AUTS2: variants seen among roughly 807,000 people sequenced by gnomAD.
AUTS2 encodes the protein autism susceptibility gene 2 protein.
Under a neutral mutation model 112.4 loss-of-function variants are expected in AUTS2, and 17 were observed. That is an observed-to-expected ratio of 0.15 (90% CI 0.10 to 0.23). The LOEUF (loss-of-function observed/expected upper bound fraction) is 0.23. Ranked by LOEUF, AUTS2 falls within the 10% of genes least tolerant of loss-of-function variation. The pLI is 1.00. For synonymous variants in AUTS2, 751 were observed against 702.7 expected, an observed-to-expected ratio of 1.07 and a Z score of -1.09; for missense variants, 1,510 against 1,701.6, an observed-to-expected ratio of 0.89 and a Z score of 1.98.
chr7:70,043,872 G>A (rs763124807), intron 2 of AUTS2, among the ~76,000 whole-genome samples: 1 of 151,872 alleles, frequency 6.6e-6, no homozygotes, highest in East Asian at 1.9e-4. Context: ...GCCTCCCAAA[G>A]TGCTGGGATT....
intron 4 of AUTS2, among the ~76,000 whole-genome samples, chr7:70,335,467 C>T (rs1292719034): frequency 6.6e-6 from 1 of 152,202 alleles, no homozygotes; most frequent in Non-Finnish European, 1.5e-5. Flanking sequence ...CATGGCCATA[C>T]TTATCAGGGA....
At chr7:70,183,838 T>TC (rs905853769) in intron 4 of AUTS2, among the ~76,000 whole-genome samples, 2 of 151,490 alleles carry the variant, frequency 1.3e-5, no homozygotes, top group Non-Finnish European at 2.9e-5. Flanking sequence ...TTTTTCTTTT[T>TC]TTTTTTTTTT....
chr7:70,212,920 G>T (rs1462786646), intron 4 of AUTS2, among the ~76,000 whole-genome samples: 2 of 152,066 alleles, frequency 1.3e-5, no homozygotes, highest in African/African-American at 4.8e-5. Flanking sequence ...GATACATACA[G>T]TCAGATAGAA....
At chr7:69,828,028 A>G (rs988717746) in intron 1 of AUTS2, among the ~76,000 whole-genome samples, 4 of 152,232 alleles carry the variant, frequency 2.6e-5, no homozygotes, top group Admixed American at 6.5e-5. Flanking sequence ...GACTTGATCA[A>G]TGGGTTGGGA....
intron 6 of AUTS2, among the ~76,000 whole-genome samples, chr7:70,746,516 A>G (rs1361877916): frequency 6.6e-6 from 1 of 152,232 alleles, no homozygotes; most frequent in South Asian, 2.1e-4. Context: ...AATTTATTCT[A>G]TAAGAAACAT....
chr7:70,753,431 C>T (rs557188578), intron 6 of AUTS2, among the ~76,000 whole-genome samples: 1 of 152,302 alleles, frequency 6.6e-6, no homozygotes, highest in South Asian at 2.1e-4. Context: ...CCCATCATTC[C>T]CCCTGATCTT....
At chr7:70,008,950 G>C (rs1799668031) in intron 2 of AUTS2, among the ~76,000 whole-genome samples, 1 of 152,086 alleles carries the variant, frequency 6.6e-6, no homozygotes, top group Non-Finnish European at 1.5e-5. Flanking sequence ...TTTTGAGATA[G>C]CTGGGGGCTT....
intron 4 of AUTS2, among the ~76,000 whole-genome samples, chr7:70,327,462 G>A (rs1261539018): frequency 1.3e-5 from 2 of 152,202 alleles, no homozygotes; most frequent in Non-Finnish European, 2.9e-5. Flanking sequence ...ATATGACATT[G>A]TACAGATCTA....
rs145773713 is a variant in AUTS2 at position 69,958,422 on chromosome 7, A to G, written c.522+58924A>G. Among the ~76,000 whole-genome samples, 277 of 152,276 alleles carry G rather than the reference A, an allele frequency of 1.8e-3. 1 individual carries two copies. Among genetic ancestry groups the G allele is most frequent in the African/African-American group, 5.9e-3 (246 of 41,574 alleles). On this transcript the variant is annotated intron_variant, in intron 2 of 18. Coordinates refer to ENST00000342771, the MANE Select transcript of AUTS2 (RefSeq NM_015570.4). The stretch of plus-strand genomic sequence containing the variant: ...GGTGCCACTGCATGATAACTTAGCC[A>G]TGGACTGTTTGGCTTCTATCTCATG...
chr7:69,599,986 G>A lies in AUTS2; in HGVS notation c.309+24G>A, dbSNP rs774986348. On this transcript the variant is annotated intron_variant, in intron 1 of 18. Coordinates refer to ENST00000342771, the MANE Select transcript of AUTS2 (RefSeq NM_015570.4). The surrounding 1 kb of genome is among the most constrained non-coding windows in gnomAD (Gnocchi z 7.0). ...AGGTAAGGGGGACCCCCCTTCCCCC[G>A]GGTTCCCTTTATGCACGACCCCACT... The A allele has an allele frequency of 1.9e-6, 3 of 1,611,946 alleles. No individual in the cohort carries two copies. The highest frequency in any genetic ancestry group is 2.5e-6 in the Non-Finnish European group (3 of 1,179,136).
rs557533497 is a variant in AUTS2 at position 70,647,436 on chromosome 7, C to G, written c.691-51133C>G. Among the ~76,000 whole-genome samples, 47 of 152,324 alleles carry G rather than the reference C, an allele frequency of 3.1e-4. No individual in the cohort carries two copies. The Middle Eastern group carries it at 0.01, about 33-fold the overall frequency. ...GCTCTCTGTGCTTTGTAGCCTGAGT[C>G]CCTGTGAGGAGTGGTTTGCTTTGAA... On this transcript the variant is annotated intron_variant, in intron 5 of 18. Transcript: ENST00000342771.
chr7:70,579,244 T>TA (rs10611601), intron 5 of AUTS2, among the ~76,000 whole-genome samples: 614 of 55,898 alleles, frequency 0.011, 87 homozygotes, highest in East Asian at 0.046. Flanking sequence ...TTCTCTTTTC[T>TA]AAAAAAAAAA....
intron 4 of AUTS2, among the ~76,000 whole-genome samples, chr7:70,218,690 A>G (rs1389049600): frequency 6.6e-6 from 1 of 152,200 alleles, no homozygotes; most frequent in African/African-American, 2.4e-5. Context: ...CGATAATGCT[A>G]ATGCTTCTTG....
At chr7:70,303,434 G>GTGCACACACACA (rs1554361424) in intron 4 of AUTS2, among the ~76,000 whole-genome samples, 4 of 141,948 alleles carry the variant, frequency 2.8e-5, no homozygotes, top group Non-Finnish European at 6.2e-5. Context: ...GCGCGCGCGC[G>GTGCACACACACA]CACATACACA....
intron 6 of AUTS2, among the ~76,000 whole-genome samples, chr7:70,702,644 C>T (rs1809519815): frequency 6.6e-6 from 1 of 152,158 alleles, no homozygotes; most frequent in Non-Finnish European, 1.5e-5. Flanking sequence ...CTACTGTGGG[C>T]ACCCAGTGTC....
At chr7:69,860,890 C>T (rs1487481567) in intron 1 of AUTS2, among the ~76,000 whole-genome samples, 1 of 152,152 alleles carries the variant, frequency 6.6e-6, no homozygotes, top group Non-Finnish European at 1.5e-5. Context: ...TCGGAGGCTA[C>T]TTTTCCTCTG....
intron 1 of AUTS2, among the ~76,000 whole-genome samples, chr7:69,671,582 A>G (rs900713523): frequency 6.6e-6 from 1 of 150,648 alleles, no homozygotes; most frequent in African/African-American, 2.4e-5. Context: ...ACCACCTTAG[A>G]TTTGGCAGCC....
intron 1 of AUTS2, among the ~76,000 whole-genome samples, chr7:69,869,875 G>T (rs558018656): frequency 6.6e-6 from 1 of 152,152 alleles, no homozygotes; most frequent in Non-Finnish European, 1.5e-5. Flanking sequence ...GAAGTGAGCA[G>T]CAGGTACATA....
intron 1 of AUTS2, among the ~76,000 whole-genome samples, chr7:69,887,177 G>A (rs2129538457): frequency 6.6e-6 from 1 of 152,286 alleles, no homozygotes; most frequent in South Asian, 2.1e-4. Context: ...ACTTTGGGAA[G>A]CCGAGGCGGG....
Sources: gnomAD v4.1 joint callset for allele counts (sites outside exome capture counted in the v4.1 genomes callset) on GRCh38, gnomAD v4.1.1 for gene constraint, Gnocchi (gnomAD v3.1) non-coding constraint, MANE v1.5 for transcripts, NCBI Gene and HGNC (gene_info 2026-07-23, HGNC 2026-07-21) for gene names.